CADM2: variants seen among roughly 807,000 people sequenced by gnomAD.
CADM2 encodes the protein cell adhesion molecule 2, also known as immunoglobulin superfamily member 4D.
CADM2 carries 12 observed loss-of-function variants against 49.8 expected under a neutral mutation model. The ratio of observed to expected loss-of-function variants is 0.24; its 90% CI spans 0.15 to 0.39. The LOEUF (loss-of-function observed/expected upper bound fraction) is 0.39. Among genes scored for constraint, CADM2 ranks in the 10% least tolerant of loss-of-function variants. The probability of loss-of-function intolerance (pLI) is 1.00; values close to 1 mark genes in which losing one functional copy is unlikely to be tolerated. For synonymous variants in CADM2, 214 were observed against 175.4 expected, an observed-to-expected ratio of 1.22 and a Z score of -1.74; for missense variants, 378 against 492.3, an observed-to-expected ratio of 0.77 and a Z score of 2.20.
Position 85,579,068 on chromosome 3 carries a change from G to GTAAA in CADM2, c.62-147441_62-147438dup, listed in dbSNP as rs1220928963. On this transcript the variant is annotated intron_variant, in intron 1 of 9. Coordinates refer to ENST00000383699, the MANE Select transcript of CADM2 (RefSeq NM_001167675.2). ...TTATCTTCTCCTTAAAAATAAATGA[G>GTAAA]TAAATAAATAAATAAAAGATTTTCT... Among the ~76,000 whole-genome samples, 13 of 152,112 alleles carry GTAAA rather than the reference G, an allele frequency of 8.5e-5. 1 individual carries two copies. In the East Asian group the frequency reaches 1.2e-3, roughly 14 times the overall value.
intron 1 of CADM2, among the ~76,000 whole-genome samples, chr3:85,325,185 C>T (rs1057475124): frequency 6.6e-6 from 1 of 152,234 alleles, no homozygotes; most frequent in East Asian, 1.9e-4. Flanking sequence ...TTTGTAACGT[C>T]GAGATCTTCA....
intron 1 of CADM2, among the ~76,000 whole-genome samples, chr3:85,033,069 G>C (rs1346297142): frequency 6.6e-6 from 1 of 151,994 alleles, no homozygotes; most frequent in African/African-American, 2.4e-5. Flanking sequence ...AAAAAACATA[G>C]CTGATGTTTT....
intron 3 of CADM2, among the ~76,000 whole-genome samples, chr3:85,845,854 G>A (rs2074856643): frequency 6.6e-6 from 1 of 152,102 alleles, no homozygotes; most frequent in Non-Finnish European, 1.5e-5. Flanking sequence ...TGGAATATTT[G>A]GTTTTCTTCA....
chr3:85,909,197 T>C (rs1173750747), intron 5 of CADM2, among the ~76,000 whole-genome samples: 1 of 152,122 alleles, frequency 6.6e-6, no homozygotes, highest in East Asian at 1.9e-4. Flanking sequence ...CCCACATGAC[T>C]CACCACCAAA....
intron 1 of CADM2, among the ~76,000 whole-genome samples, chr3:85,099,469 A>T (rs970436782): frequency 1.7e-4 from 25 of 144,584 alleles, no homozygotes; most frequent in African/African-American, 3.9e-4. Context: ...CATGAATTAA[A>T]TTTTTTTTTT....
intron 1 of CADM2, among the ~76,000 whole-genome samples, chr3:85,423,576 C>T (rs912982248): frequency 2.0e-5 from 3 of 152,144 alleles, no homozygotes; most frequent in African/African-American, 7.2e-5. Flanking sequence ...TACCCTAAAG[C>T]TCATGGTATT....
chr3:85,672,224 G>A (rs1355566782), intron 1 of CADM2, among the ~76,000 whole-genome samples: 43 of 131,030 alleles, frequency 3.3e-4, no homozygotes, highest in Non-Finnish European at 5.8e-4. Context: ...ACAGACTCTC[G>A]GTCTTTCGCC....
intron 1 of CADM2, among the ~76,000 whole-genome samples, chr3:85,009,114 G>T (rs150638761): frequency 2.3e-3 from 353 of 152,274 alleles, no homozygotes; most frequent in Non-Finnish European, 4.1e-3. Flanking sequence ...TTCACAGCTT[G>T]TGGATCCCTG....
At position 85,375,365 on chromosome 3, in the gene CADM2, A is replaced by G. The variant is rs114334137; in HGVS notation, c.62-351157A>G. ...CTCTCAAGAAGGAGCCTAAACACAG[A>G]CAAGAATTGTAGAGGTGTTGATAAT... On this transcript the variant is annotated intron_variant, in intron 1 of 9. Coordinates refer to ENST00000383699, the MANE Select transcript of CADM2 (RefSeq NM_001167675.2). Among the ~76,000 whole-genome samples the G allele has an allele frequency of 3.5e-3, 538 of 152,312 alleles. 2 individuals carry two copies. The highest frequency in any genetic ancestry group is 0.012 in the African/African-American group (512 of 41,560).
intron 8 of CADM2, among the ~76,000 whole-genome samples, chr3:86,030,804 A>T (rs933443696): frequency 1.3e-5 from 2 of 151,970 alleles, no homozygotes; most frequent in Non-Finnish European, 2.9e-5. Context: ...TAGAATGTAT[A>T]CTAACTTATA....
chr3:85,065,395 A>G (rs2036491452), intron 1 of CADM2, among the ~76,000 whole-genome samples: 1 of 152,058 alleles, frequency 6.6e-6, no homozygotes, highest in African/African-American at 2.4e-5. Flanking sequence ...AGGTTTAACT[A>G]CTATTAATTA....
intron 1 of CADM2, among the ~76,000 whole-genome samples, chr3:85,111,095 A>C (rs1436829410): frequency 1.3e-5 from 2 of 151,914 alleles, no homozygotes; most frequent in Non-Finnish European, 2.9e-5. Context: ...TTATAAAATC[A>C]ATTATAATTC....
At chr3:85,913,008 T>C (rs1717826148) in intron 6 of CADM2, among the ~76,000 whole-genome samples, 1 of 152,208 alleles carries the variant, frequency 6.6e-6, no homozygotes, top group Non-Finnish European at 1.5e-5. Context: ...AGCTTATTTA[T>C]TATGTTTTCA....
At chr3:85,923,484 C>A (rs1157982254) in intron 6 of CADM2, among the ~76,000 whole-genome samples, 1 of 149,452 alleles carries the variant, frequency 6.7e-6, no homozygotes, top group African/African-American at 2.5e-5. Flanking sequence ...CCTTCTTTTG[C>A]CATTATAGGC....
intron 3 of CADM2, among the ~76,000 whole-genome samples, chr3:85,809,032 C>A: frequency 6.6e-6 from 1 of 152,092 alleles, no homozygotes; most frequent in East Asian, 1.9e-4. Flanking sequence ...CTGAGTAAAA[C>A]AGGTGTTGCA....
chr3:85,387,898 C>T (rs1375317807), intron 1 of CADM2, among the ~76,000 whole-genome samples: 1 of 152,054 alleles, frequency 6.6e-6, no homozygotes, highest in Non-Finnish European at 1.5e-5. Context: ...AAATATAGTT[C>T]CTTTGCTTTA....
intron 3 of CADM2, among the ~76,000 whole-genome samples, chr3:85,844,435 G>C (rs1360090824): frequency 6.6e-6 from 1 of 152,048 alleles, no homozygotes; most frequent in Non-Finnish European, 1.5e-5. Context: ...ATTTGCTGCT[G>C]TAGCTTTAAG....
At chr3:85,359,289 C>A (rs2032131613) in intron 1 of CADM2, among the ~76,000 whole-genome samples, 1 of 151,988 alleles carries the variant, frequency 6.6e-6, no homozygotes, top group Non-Finnish European at 1.5e-5. Flanking sequence ...CTTGAACAAG[C>A]ATTTTCAGTA....
chr3:85,100,406 C>T (rs12486810), intron 1 of CADM2, among the ~76,000 whole-genome samples: 5,513 of 152,202 alleles, frequency 0.036, 128 homozygotes, highest in East Asian at 0.046. Flanking sequence ...TGTCTTGTTG[C>T]TAAATATTCA....
Sources: gnomAD v4.1 joint callset for allele counts (sites outside exome capture counted in the v4.1 genomes callset) on GRCh38, gnomAD v4.1.1 for gene constraint, MANE v1.5 for transcripts, NCBI Gene and HGNC (gene_info 2026-07-23, HGNC 2026-07-21) for gene names.